Variants in TG observed in about 807,000 individuals in gnomAD.
TG encodes thyroglobulin.
TG carries 270 observed loss-of-function variants against 324.7 expected under a neutral mutation model. That is an observed-to-expected ratio of 0.83 (90% confidence interval 0.75 to 0.92). TG has a LOEUF of 0.92. Ranked by LOEUF, TG falls within the 40% of genes least tolerant of loss-of-function variation. The pLI, the probability that TG is intolerant of heterozygous loss-of-function variation, is 0.00. For synonymous variants in TG, 1,401 were observed against 1,327.0 expected (o/e 1.06, Z -1.21); for missense variants, 3,591 against 3,456.4 (o/e 1.04, Z -0.98).
At chr8:132,994,853 C>T in intron 35 of TG, 1 of 1,263,074 alleles carries the variant, frequency 7.9e-7, no homozygotes, top group Non-Finnish European at 1.0e-6. Context: ...TGATGGAAAG[C>T]ATTGGTTATC....
intron 2 of TG, 72 bp from the exon 3 acceptor site, chr8:132,869,657 A>G (rs1259996383): frequency 7.7e-7 from 1 of 1,299,392 alleles, no homozygotes; most frequent in East Asian, 2.3e-5. Flanking sequence ...GAAGAAAAGT[A>G]GCCTGAGTGG....
In TG at chr8:133,059,994, AC is replaced by A. The variant is rs1842130673; in HGVS notation, c.7239+29974del. The A allele has an allele frequency of 3.1e-5, 34 of 1,113,160 alleles. 1 individual carries two copies. In the South Asian group the frequency reaches 5.9e-4, roughly 19 times the overall value. The allele number at this position is 1,113,160 out of a possible 1,614,324, so 69.0% of individuals were successfully genotyped here. A position where few individuals can be genotyped will look rare whatever the true frequency, so the allele number is the denominator to read the frequency against. ...AGACAGATATAATGAGCCCTTCGGT[AC>A]CCATTGCCCCATTTAAGTAGTTACC... On this transcript the variant is annotated intron_variant, in intron 41 of 47. Coordinates refer to ENST00000220616, the MANE Select transcript of TG (RefSeq NM_003235.5).
chr8:133,117,807 G>T (rs1850818653), intron 45 of TG, among the ~76,000 whole-genome samples: 1 of 152,202 alleles, frequency 6.6e-6, no homozygotes, highest in South Asian at 2.1e-4. Context: ...TCTATTTTAT[G>T]GGCAACAGGG....
intron 27 of TG, among the ~76,000 whole-genome samples, chr8:132,950,890 A>T (rs943451713): frequency 6.6e-6 from 1 of 152,204 alleles, no homozygotes; most frequent in Admixed American, 6.5e-5. Flanking sequence ...ACCTATACTC[A>T]CAAGTCCTCA....
chr8:133,029,415 T>G (rs576696106), intron 40 of TG, among the ~76,000 whole-genome samples: 39 of 152,254 alleles, frequency 2.6e-4, no homozygotes, highest in African/African-American at 9.1e-4. Context: ...GTCAAAGACA[T>G]GGGGCAGAGA....
At chr8:132,897,125 C>T (rs1258628683) in intron 11 of TG, among the ~76,000 whole-genome samples, 1 of 152,246 alleles carries the variant, frequency 6.6e-6, no homozygotes, top group Non-Finnish European at 1.5e-5. Flanking sequence ...ACGAGGGCAG[C>T]TGATGTCAAT....
At chr8:133,073,884 C>A (rs1004771435) in intron 41 of TG, among the ~76,000 whole-genome samples, 26 of 152,176 alleles carry the variant, frequency 1.7e-4, no homozygotes, top group African/African-American at 5.5e-4. Flanking sequence ...TTTTCAAAAG[C>A]AAATAACAAT....
chr8:133,022,316 T>G (rs1183932938), intron 40 of TG, among the ~76,000 whole-genome samples, 166 bp downstream of exon 40: 1 of 152,170 alleles, frequency 6.6e-6, no homozygotes, highest in African/African-American at 2.4e-5. Flanking sequence ...CTGACACCCA[T>G]AGACAAGGAT....
intron 43 of TG, chr8:133,102,540 G>A (rs1048210300): frequency 6.4e-7 from 1 of 1,551,414 alleles, no homozygotes. Context: ...TGACAGCAAA[G>A]TTAGCAACCT....
At position 132,873,105 on chromosome 8, in the gene TG, G is replaced by A. The variant is rs1200864876; in HGVS notation, c.522G>A (p.Gly174=). ...TAAGAAATCGTCGTCTTCTCCACGG[G>A]GTGGGAGATAAGTCACCACCCCAGT... ...CEIRNRRLLH[G]VGDKSPPQCS... Residue 174 remains glycine (G), a synonymous_variant, in exon 5 of 48, where the codon GGG becomes GGA. Transcript: ENST00000220616. 3 of 1,614,056 alleles carry A rather than the reference G, an allele frequency of 1.9e-6. No homozygotes were observed. The highest frequency in any genetic ancestry group is 3.3e-5 in the Admixed American group (2 of 60,004).
Position 133,039,112 on chromosome 8 carries a change from T to C in TG, c.7239+9089T>C, listed in dbSNP as rs1837663623. 5.3e-5 allele frequency among the ~76,000 whole-genome samples: 8 copies of C among 152,218 alleles called. No homozygotes were observed. The South Asian group carries it at 1.5e-3, about 28-fold the overall frequency. On this transcript the variant is annotated intron_variant, in intron 41 of 47. Coordinates refer to ENST00000220616, the MANE Select transcript of TG (RefSeq NM_003235.5). Reference sequence around the variant, plus strand: ...CAGGCTGGTCTCAAACTCCTGACCTTAGGTGATCTGCCCACCTCAGCCTCC... The same window carrying C: ...CAGGCTGGTCTCAAACTCCTGACCTCAGGTGATCTGCCCACCTCAGCCTCC...
At chr8:133,034,796 G>T (rs945798984) in intron 41 of TG, among the ~76,000 whole-genome samples, 12 of 152,140 alleles carry the variant, frequency 7.9e-5, no homozygotes, top group African/African-American at 2.7e-4. Flanking sequence ...AGTTTGGGCT[G>T]CCAGGGCTTC....
intron 26 of TG, among the ~76,000 whole-genome samples, chr8:132,946,685 A>G (rs1825357130): frequency 6.6e-6 from 1 of 152,114 alleles, no homozygotes; most frequent in Non-Finnish European, 1.5e-5. Context: ...AGAGTTATTA[A>G]TGAAAATTCA....
At chr8:132,939,915 A>G (rs148586725) in intron 25 of TG, among the ~76,000 whole-genome samples, 3,053 of 152,202 alleles carry the variant, frequency 0.02, 107 homozygotes, top group African/African-American at 0.071. Flanking sequence ...ACCTCAAGTG[A>G]TACACCCACC....
rs1437848294 is a variant in TG at position 132,933,590 on chromosome 8, T to C, written c.4846T>C (p.Phe1616Leu). The stretch of plus-strand genomic sequence containing the variant: ...CACAGAGGACGAGGCCTGCAGCTTC[T>C]TCACCGTGTCCACGACGGAGCCAGA... ...DCTEDEACSF[F>L]TVSTTEPEIS... The change falls in exon 24 of 48, where the codon TTC becomes CTC. Residue 1616 changes from phenylalanine to leucine, a missense_variant. Phe to Leu is a conservative substitution (Grantham distance 22). Coordinates refer to ENST00000220616, the MANE Select transcript of TG (RefSeq NM_003235.5). The C allele has an allele frequency of 6.2e-7, 1 of 1,614,152 alleles. No homozygotes were observed. Among genetic ancestry groups the C allele is most frequent in the Non-Finnish European group, 8.5e-7 (1 of 1,180,024 alleles).
chr8:132,899,251 G>A (rs1308507839), intron 14 of TG, among the ~76,000 whole-genome samples: 1 of 152,192 alleles, frequency 6.6e-6, no homozygotes, highest in Non-Finnish European at 1.5e-5. Context: ...TCTTGGCCAA[G>A]GCCCTATGCT....
chr8:132,933,991 C>G (rs1823185510), intron 24 of TG, among the ~76,000 whole-genome samples: 1 of 152,064 alleles, frequency 6.6e-6, no homozygotes, highest in African/African-American at 2.4e-5. Context: ...ACACCACTGC[C>G]CCTTGGGGTC....
chr8:133,116,372 C>T (rs1850684677), intron 44 of TG, among the ~76,000 whole-genome samples: 1 of 152,232 alleles, frequency 6.6e-6, no homozygotes, highest in Non-Finnish European at 1.5e-5. Flanking sequence ...CGCCAGTTTT[C>T]GAGCCCACCA....
intron 23 of TG, among the ~76,000 whole-genome samples, chr8:132,932,006 A>G (rs1822790719): frequency 6.6e-6 from 1 of 152,188 alleles, no homozygotes; most frequent in African/African-American, 2.4e-5. Flanking sequence ...AGGTGGGAAG[A>G]TGGCTTGAGT....
Sources: gnomAD v4.1 joint callset for allele counts (sites outside exome capture counted in the v4.1 genomes callset) on GRCh38, gnomAD v4.1.1 for gene constraint, MANE v1.5 for transcripts, NCBI Gene and HGNC (gene_info 2026-07-23, HGNC 2026-07-21) for gene names.